NLN: variants seen among roughly 807,000 people sequenced by gnomAD.
NLN encodes neurolysin, mitochondrial.
Under a neutral mutation model 79.9 loss-of-function variants are expected in NLN, and 64 were observed. The observed-to-expected ratio is 0.80, with a 90% CI of 0.65 to 0.99. The LOEUF (loss-of-function observed/expected upper bound fraction) is 0.99, where lower values mean the gene tolerates loss of function less well. Ranked by LOEUF, NLN falls within the 50% of genes least tolerant of loss-of-function variation. The probability of loss-of-function intolerance (pLI) is 0.00; values close to 1 mark genes in which losing one functional copy is unlikely to be tolerated. For missense variants in NLN, 835 were observed against 858.7 expected (o/e 0.97, Z 0.34); for synonymous variants, 267 against 296.6 (o/e 0.90, Z 1.02).
chr5:65,728,026 C>T (rs1183846833), intron 1 of NLN, among the ~76,000 whole-genome samples: 2 of 152,098 alleles, frequency 1.3e-5, no homozygotes, highest in Non-Finnish European at 2.9e-5. Flanking sequence ...CCTCAGCTTC[C>T]TAAAGTGCTG....
chr5:65,812,713 G>C (rs909739180), intron 12 of NLN, among the ~76,000 whole-genome samples: 1 of 152,140 alleles, frequency 6.6e-6, no homozygotes, highest in East Asian at 1.9e-4. Flanking sequence ...CAACATTTTA[G>C]TTTTATAGGA....
At chr5:65,774,731 T>TATATA (rs1320186215) in intron 3 of NLN, among the ~76,000 whole-genome samples, 3 of 125,992 alleles carry the variant, frequency 2.4e-5, no homozygotes, top group African/African-American at 9.1e-5. Context: ...ATATATATAT[T>TATATA]TTTTTTTTTT....
intron 7 of NLN, among the ~76,000 whole-genome samples, chr5:65,787,784 C>T (rs1759962689): frequency 6.6e-6 from 1 of 152,174 alleles, no homozygotes; most frequent in African/African-American, 2.4e-5. Context: ...TTCACTAGTG[C>T]TTTTTTCCCT....
chr5:65,768,571 T>C (rs1220005187), intron 3 of NLN, among the ~76,000 whole-genome samples: 1 of 152,258 alleles, frequency 6.6e-6, no homozygotes, highest in East Asian at 1.9e-4. Context: ...TAGACTGGGC[T>C]GCCATAACAA....
chr5:65,791,593 T>C (rs2441130), intron 8 of NLN, among the ~76,000 whole-genome samples: 86,569 of 151,634 alleles, frequency 0.57, 24,898 homozygotes, highest in African/African-American at 0.6. Flanking sequence ...CGTGGTGTTG[T>C]ATATATGTAA....
Position 65,722,349 on chromosome 5 carries a change from C to T in NLN, c.-25C>T, listed in dbSNP as rs1331851044. The T allele has an allele frequency of 1.9e-6, 3 of 1,545,968 alleles. No homozygotes were observed. The highest frequency in any genetic ancestry group is 1.7e-6 in the Non-Finnish European group (2 of 1,149,626). On this transcript the variant is annotated 5_prime_UTR_variant, in exon 1 of 13. Transcript: ENST00000380985. ...CCCACGCCGAAGGACCACGCGCCCGCCGCCGCCAGCCTCTCAGCGCTCCCA... is the reference window on the plus strand; with the variant it reads ...CCCACGCCGAAGGACCACGCGCCCGTCGCCGCCAGCCTCTCAGCGCTCCCA...
At chr5:65,808,175 C>T (rs923047053) in intron 9 of NLN, among the ~76,000 whole-genome samples, 5 of 152,008 alleles carry the variant, frequency 3.3e-5, no homozygotes, top group South Asian at 2.1e-4. Flanking sequence ...TATCTAGAAT[C>T]GGCACAATTA....
At chr5:65,784,662 T>C (rs1387970419) in intron 6 of NLN, among the ~76,000 whole-genome samples, 1 of 152,230 alleles carries the variant, frequency 6.6e-6, no homozygotes, top group Non-Finnish European at 1.5e-5. Flanking sequence ...AAAGGGATTA[T>C]GTTTCAACAC....
At chr5:65,804,004 A>C (rs1458028725) in intron 9 of NLN, among the ~76,000 whole-genome samples, 1 of 152,262 alleles carries the variant, frequency 6.6e-6, no homozygotes, top group East Asian at 1.9e-4. Flanking sequence ...AAAATCTTCC[A>C]GTATAAAGAA....
chr5:65,812,183 A>T, intron 11 of NLN, 72 bp from the exon 12 acceptor site: 1 of 1,347,876 alleles, frequency 7.4e-7, no homozygotes, highest in Non-Finnish European at 1.1e-6. Context: ...CTCAGAGGGA[A>T]ACCTTAGCTA....
chr5:65,727,678 C>T (rs1420148292), intron 1 of NLN, among the ~76,000 whole-genome samples: 4 of 152,110 alleles, frequency 2.6e-5, no homozygotes, highest in East Asian at 1.9e-4. Flanking sequence ...AAGAAACAAA[C>T]GAGAAGGTTG....
intron 9 of NLN, among the ~76,000 whole-genome samples, chr5:65,802,276 A>T (rs1346554626): frequency 6.6e-6 from 1 of 152,224 alleles, no homozygotes; most frequent in Admixed American, 6.5e-5. Context: ...GCCACTGCAC[A>T]CAGCCAGGCA....
intron 9 of NLN, among the ~76,000 whole-genome samples, chr5:65,801,030 A>G: frequency 6.6e-6 from 1 of 152,050 alleles, no homozygotes; most frequent in East Asian, 1.9e-4. Flanking sequence ...CCTCTCAAGA[A>G]CTTCTAACCA....
At chr5:65,798,586 T>C (rs1311913846) in intron 9 of NLN, among the ~76,000 whole-genome samples, 2 of 152,254 alleles carry the variant, frequency 1.3e-5, no homozygotes, top group African/African-American at 4.8e-5. Flanking sequence ...GCCTCTGCTG[T>C]CACCCTGTCT....
rs563034841 is a variant in NLN, at chr5:65,779,122, G to A, written c.559-1057G>A. 4.6e-5 allele frequency among the ~76,000 whole-genome samples: 7 copies of A among 152,290 alleles called. No homozygotes were observed. In the East Asian group the frequency reaches 9.6e-4, roughly 21 times the overall value. The stretch of plus-strand genomic sequence containing the variant: ...CACCACTGAACAGTGCGTTAGGTCA[G>A]TAGTCTCAAATTTAGTGTGCATCAA... On this transcript the variant is annotated intron_variant, in intron 4 of 12. Transcript: ENST00000380985.
chr5:65,822,965 C>T lies in NLN; in HGVS notation c.*50C>T. The T allele has an allele frequency of 6.6e-7, 1 of 1,518,324 alleles. No homozygotes were observed. Among genetic ancestry groups the T allele is most frequent in the Non-Finnish European group, 9.1e-7 (1 of 1,097,882 alleles). 94.1% of individuals were successfully genotyped at this position (1,518,324 alleles called of 1,614,324 possible). A position where few individuals can be genotyped will look rare whatever the true frequency, so the allele number is the denominator to read the frequency against. On this transcript the variant is annotated 3_prime_UTR_variant, in exon 13 of 13. Transcript: ENST00000380985. ...ATGTCTGGAGGACAAGTCGACATCA[C>T]CATGTGTTACTGGCCTGGAAACTGA...
chr5:65,775,982 G>A (rs1252507747), intron 3 of NLN, among the ~76,000 whole-genome samples: 2 of 152,226 alleles, frequency 1.3e-5, no homozygotes, highest in African/African-American at 4.8e-5. Context: ...GCCAGGCATG[G>A]TCACTCAAAC....
chr5:65,728,749 C>T (rs2150732043), intron 1 of NLN, among the ~76,000 whole-genome samples: 1 of 152,190 alleles, frequency 6.6e-6, no homozygotes. Context: ...GAGTTGTGGT[C>T]TGGAAACCAA....
chr5:65,770,978 T>G (rs1010250046), intron 3 of NLN, among the ~76,000 whole-genome samples: 3 of 152,074 alleles, frequency 2.0e-5, no homozygotes, highest in Non-Finnish European at 2.9e-5. Context: ...GTCACAAAAT[T>G]CAAGAGAGTA....
Sources: allele counts gnomAD v4.1 joint callset (sites outside exome capture counted in the v4.1 genomes callset), GRCh38; gene constraint gnomAD v4.1.1; transcripts MANE v1.5; gene names NCBI Gene and HGNC (gene_info 2026-07-23, HGNC 2026-07-21).